ZNF131: variants seen among roughly 807,000 people sequenced by gnomAD.
ZNF131 encodes the protein zinc finger protein 131.
In ZNF131, 7 loss-of-function variants were observed where a neutral mutation model predicts 60.0. The observed-to-expected ratio is 0.12, with a 90% CI of 0.07 to 0.22. ZNF131 has a LOEUF of 0.22. Among genes scored for constraint, ZNF131 ranks in the 10% least tolerant of loss-of-function variants. ZNF131 has a pLI of 1.00. For missense variants in ZNF131, 493 were observed against 740.9 expected, an observed-to-expected ratio of 0.67 and a Z score of 3.88; for synonymous variants, 257 against 253.2, an observed-to-expected ratio of 1.01 and a Z score of -0.14.
At chr5:43,164,229 A>G (rs1750089938) in intron 5 of ZNF131, among the ~76,000 whole-genome samples, 1 of 152,198 alleles carries the variant, frequency 6.6e-6, no homozygotes, top group African/African-American at 2.4e-5. Flanking sequence ...TGCAAAACCC[A>G]TGTATGTAGA....
chr5:43,160,331 C>T (rs13171253), intron 4 of ZNF131, among the ~76,000 whole-genome samples: 14,760 of 151,806 alleles, frequency 0.097, 853 homozygotes, highest in East Asian at 0.19. Flanking sequence ...AGTGAGACCT[C>T]GATTCTATCA....
intron 4 of ZNF131, among the ~76,000 whole-genome samples, chr5:43,157,308 T>A (rs1749086696): frequency 6.6e-6 from 1 of 152,208 alleles, no homozygotes; most frequent in Admixed American, 6.5e-5. Flanking sequence ...TCATCTCCCA[T>A]GTGAACCGTC....
chr5:43,152,245 C>T (rs189955643), intron 4 of ZNF131, among the ~76,000 whole-genome samples: 65 of 152,220 alleles, frequency 4.3e-4, no homozygotes, highest in African/African-American at 1.5e-3. Flanking sequence ...TCAAGTGATC[C>T]GCCTGCTTCA....
intron 4 of ZNF131, among the ~76,000 whole-genome samples, chr5:43,144,309 A>G (rs1029899316): frequency 2.7e-5 from 3 of 113,064 alleles, no homozygotes; most frequent in Admixed American, 1.3e-4. Flanking sequence ...GCTCACCGCA[A>G]CCTCCGCCTG....
chr5:43,149,247 G>C (rs6885598), intron 4 of ZNF131, among the ~76,000 whole-genome samples: 9,521 of 150,788 alleles, frequency 0.063, 609 homozygotes, highest in African/African-American at 0.17. Flanking sequence ...CTCCAGCCTG[G>C]GAGACAGAGG....
intron 4 of ZNF131, chr5:43,143,580 G>A: frequency 3.1e-6 from 1 of 325,510 alleles, no homozygotes; most frequent in Non-Finnish European, 5.5e-6. Context: ...TCCCTTTCCT[G>A]TAATTCTGTA....
In ZNF131 at chr5:43,175,498, CTT is replaced by C; in HGVS notation, c.*366_*367del. The C allele has an allele frequency of 2.9e-6, 2 of 698,810 alleles. No homozygotes were observed. Among genetic ancestry groups the C allele is most frequent in the African/African-American group, 1.8e-5 (1 of 57,034 alleles). 43.3% of individuals were successfully genotyped at this position (698,810 alleles called of 1,614,324 possible). The stretch of plus-strand genomic sequence containing the variant: ...ATTTTTTCCATATTGTAAAATCAAA[CTT>C]AAATCATTAGAATACAAGTTTATGT... On this transcript the variant is annotated 3_prime_UTR_variant, in exon 7 of 7. Coordinates refer to ENST00000682664, the MANE Select transcript of ZNF131 (RefSeq NM_001330707.2).
At chr5:43,173,294 C>A (rs187252440) in intron 5 of ZNF131, 24 bp from the exon 6 acceptor site, 1 of 1,505,930 alleles carries the variant, frequency 6.6e-7, no homozygotes, top group South Asian at 1.4e-5. Flanking sequence ...AATTTGCCAA[C>A]GTATCTTTTT....
chr5:43,125,342 C>T (rs1744392393), intron 3 of ZNF131, among the ~76,000 whole-genome samples: 1 of 151,328 alleles, frequency 6.6e-6, no homozygotes, highest in South Asian at 2.1e-4. Flanking sequence ...CTCTTGTTAC[C>T]CAGGCTGGAG....
At chr5:43,135,612 T>G (rs890416139) in intron 3 of ZNF131, among the ~76,000 whole-genome samples, 3 of 151,784 alleles carry the variant, frequency 2.0e-5, no homozygotes, top group Non-Finnish European at 4.4e-5. Flanking sequence ...AATTAGCTGG[T>G]TATGGTGGCC....
At chr5:43,130,063 C>G (rs1313219077) in intron 3 of ZNF131, among the ~76,000 whole-genome samples, 2 of 151,210 alleles carry the variant, frequency 1.3e-5, no homozygotes, top group African/African-American at 4.8e-5. Context: ...CTCAGGAGTT[C>G]GAGACCAGCC....
chr5:43,122,230 T>C, intron 2 of ZNF131, 53 bp downstream of exon 2: 2 of 1,538,082 alleles, frequency 1.3e-6, no homozygotes, highest in Non-Finnish European at 1.7e-6. Flanking sequence ...TTTTTTTCTG[T>C]CCTTCGGACA....
intron 4 of ZNF131, among the ~76,000 whole-genome samples, chr5:43,155,946 A>T (rs1041378232): frequency 6.6e-6 from 1 of 152,174 alleles, no homozygotes; most frequent in Non-Finnish European, 1.5e-5. Context: ...TCATCAATAT[A>T]TAACATAAAC....
At chr5:43,123,066 C>T (rs892971400) in intron 2 of ZNF131, 143 bp from the exon 3 acceptor site, 2 of 596,506 alleles carry the variant, frequency 3.4e-6, no homozygotes, top group Non-Finnish European at 5.7e-6. Flanking sequence ...CAAGAATATT[C>T]TGCATTTAGT....
Position 43,175,045 on chromosome 5 carries a change from C to G in ZNF131, c.1784C>G (p.Ala595Gly). 6.2e-7 allele frequency: 1 copy of G among 1,614,100 alleles called. No individual in the cohort carries two copies. Among genetic ancestry groups the G allele is most frequent in the Non-Finnish European group, 8.5e-7 (1 of 1,180,030 alleles). The change falls in exon 7 of 7, where the codon GCT becomes GGT. Residue 595 changes from alanine (A) to glycine (G), a missense_variant. Coordinates refer to ENST00000682664, the MANE Select transcript of ZNF131 (RefSeq NM_001330707.2). The part of the protein sequence containing the change: ...AEAAREDHED[A>G]EDLETKPTVD... ...GCTGCCAGGGAAGATCACGAAGATG[C>G]TGAGGATTTAGAGACCAAGCCAACA...
intron 4 of ZNF131, 108 bp from the exon 5 acceptor site, chr5:43,161,141 G>A (rs569905003): frequency 4.9e-6 from 5 of 1,028,822 alleles, no homozygotes; most frequent in Admixed American, 2.5e-5. Context: ...CTGCAGTCTT[G>A]TTTTATAACT....
intron 3 of ZNF131, chr5:43,123,886 T>G (rs754487431): frequency 6.6e-6 from 1 of 152,264 alleles, no homozygotes; most frequent in Non-Finnish European, 1.5e-5. Context: ...TTTTGTACTT[T>G]CTAGACATTT....
intron 3 of ZNF131, among the ~76,000 whole-genome samples, chr5:43,138,295 G>A (rs781337990): frequency 1.3e-5 from 2 of 152,190 alleles, no homozygotes; most frequent in African/African-American, 2.4e-5. Flanking sequence ...CCTTTAAGGG[G>A]TGGGTGGTAG....
chr5:43,170,413 G>A (rs1359877733), intron 5 of ZNF131, among the ~76,000 whole-genome samples: 3 of 152,112 alleles, frequency 2.0e-5, no homozygotes, highest in Non-Finnish European at 4.4e-5. Context: ...CTTCCATCCT[G>A]GAATCATTCA....
Sources: gnomAD v4.1 joint callset for allele counts (sites outside exome capture counted in the v4.1 genomes callset) on GRCh38, gnomAD v4.1.1 for gene constraint, MANE v1.5 for transcripts, NCBI Gene and HGNC (gene_info 2026-07-23, HGNC 2026-07-21) for gene names.